Variants in ARAP2 observed in about 807,000 individuals in gnomAD.
The protein encoded by ARAP2 is ArfGAP with RhoGAP domain, ankyrin repeat and PH domain 2, also known as arf-GAP with Rho-GAP domain, ANK repeat and PH domain-containing protein 2.
A neutral mutation model predicts 194.5 loss-of-function variants in ARAP2; 148 were observed. The observed-to-expected ratio is 0.76, with a 90% CI of 0.67 to 0.87. The LOEUF is 0.87. Among genes scored for constraint, ARAP2 ranks in the 40% least tolerant of loss-of-function variants. The pLI, the probability that ARAP2 is intolerant of heterozygous loss-of-function variation, is 0.00. For synonymous variants in ARAP2, 695 were observed against 683.5 expected, an observed-to-expected ratio of 1.02 and a Z score of -0.26; for missense variants, 2,128 against 1,989.7, an observed-to-expected ratio of 1.07 and a Z score of -1.32.
intron 5 of ARAP2, among the ~76,000 whole-genome samples, chr4:36,039,388 C>T (rs1310101162): frequency 1.3e-5 from 2 of 152,114 alleles, no homozygotes; most frequent in African/African-American, 4.8e-5. Flanking sequence ...TTTCTCAGGC[C>T]CAGCCTGAAT....
intron 19 of ARAP2, among the ~76,000 whole-genome samples, chr4:36,144,130 CTATG>C (rs1206325518): frequency 6.6e-6 from 1 of 151,528 alleles, no homozygotes; most frequent in Non-Finnish European, 1.5e-5. Context: ...TAATTAAAAC[CTATG>C]TATCATTGGC....
At chr4:36,035,105 G>A (rs1242846964) in intron 5 of ARAP2, among the ~76,000 whole-genome samples, 1 of 152,082 alleles carries the variant, frequency 6.6e-6, no homozygotes, top group Admixed American at 6.6e-5. Flanking sequence ...CTCATAGAAT[G>A]AGCTGGGGAG....
chr4:36,105,792 C>A (rs1284895302), intron 27 of ARAP2, among the ~76,000 whole-genome samples: 1 of 151,958 alleles, frequency 6.6e-6, no homozygotes, highest in Non-Finnish European at 1.5e-5. Flanking sequence ...AGAACCTTCA[C>A]TTATAACATA....
intron 20 of ARAP2, 82 bp from the exon 21 acceptor site, chr4:36,128,827 T>C (rs754973556): frequency 1.8e-6 from 2 of 1,117,818 alleles, no homozygotes. Context: ...AACAAATGTT[T>C]GTGTTGAGAC....
chr4:36,015,237 T>C (rs919066143), intron 8 of ARAP2: 1 of 152,212 alleles, frequency 6.6e-6, no homozygotes, highest in African/African-American at 2.4e-5. Context: ...AATGCTTACA[T>C]AAATGATGAA....
intron 6 of ARAP2, among the ~76,000 whole-genome samples, chr4:36,197,233 C>T (rs1365820339): frequency 6.6e-6 from 1 of 152,094 alleles, no homozygotes; most frequent in Non-Finnish European, 1.5e-5. Context: ...TCACATCAAA[C>T]AGACTTTGAG....
intron 27 of ARAP2, among the ~76,000 whole-genome samples, chr4:36,102,123 A>T (rs548613792): frequency 2.2e-4 from 34 of 152,062 alleles, no homozygotes; most frequent in African/African-American, 7.2e-4. Context: ...GCCAAGGCTA[A>T]AACCACTTTC....
intron 19 of ARAP2, among the ~76,000 whole-genome samples, chr4:36,146,595 T>C (rs1394910245): frequency 6.6e-6 from 1 of 152,060 alleles, no homozygotes; most frequent in Non-Finnish European, 1.5e-5. Context: ...CTATCTGGAT[T>C]ACTGCAAAGT....
At position 36,149,830 on chromosome 4, in the gene ARAP2, T is replaced by C. The variant is rs73809138; in HGVS notation, c.2897+1070A>G. Among the ~76,000 whole-genome samples, 914 of 152,292 alleles carry C rather than the reference T, an allele frequency of 6.0e-3. 14 individuals carry two copies. Among genetic ancestry groups the C allele is most frequent in the African/African-American group, 0.02 (832 of 41,572 alleles). ...CAAGTCATCTCAACTAGTCATCATA[T>C]AATAAAGGTAATATGTTCAATGTAG... On this transcript the variant is annotated intron_variant, in intron 16 of 32. Coordinates refer to ENST00000303965, the MANE Select transcript of ARAP2 (RefSeq NM_015230.4).
intron 5 of ARAP2, among the ~76,000 whole-genome samples, chr4:36,031,305 A>G (rs1289909667): frequency 6.6e-6 from 1 of 152,204 alleles, no homozygotes; most frequent in Non-Finnish European, 1.5e-5. Flanking sequence ...GTCCTTGTAT[A>G]CAACCATTCC....
At chr4:36,179,502 T>C (rs1209524233) in intron 8 of ARAP2, among the ~76,000 whole-genome samples, 2 of 152,034 alleles carry the variant, frequency 1.3e-5, no homozygotes, top group Non-Finnish European at 2.9e-5. Context: ...AGAAGACCCA[T>C]GGAAATGAAT....
At chr4:36,086,042 G>C (rs1452553559) in intron 28 of ARAP2, among the ~76,000 whole-genome samples, 1 of 152,006 alleles carries the variant, frequency 6.6e-6, no homozygotes, top group African/African-American at 2.4e-5. Flanking sequence ...AAGGAGAAGA[G>C]AGCTATCAGG....
chr4:36,055,163 C>T (rs1203846684), intron 2 of ARAP2, among the ~76,000 whole-genome samples: 2 of 152,004 alleles, frequency 1.3e-5, no homozygotes, highest in African/African-American at 2.4e-5. Flanking sequence ...TTTTGAATCC[C>T]GAGACATAGG....
chr4:36,058,363 T>C (rs1723867969), intron 1 of ARAP2, among the ~76,000 whole-genome samples: 2 of 152,188 alleles, frequency 1.3e-5, no homozygotes, highest in South Asian at 2.1e-4. Context: ...CCAATGTTGT[T>C]TCCTGAACAA....
rs115924959 is a variant in ARAP2 at position 36,008,489 on chromosome 4, T to C, written n.1326-1443A>G. On this transcript the variant is annotated intron_variant and non_coding_transcript_variant, in intron 9 of 12. Coordinates refer to the ARAP2 transcript ENST00000503225. ...GCTCCTGGGATAGCTAGCATGTCTATATGCAGAAGTATTACACTGGATTCC... is the reference window on the plus strand; with the variant it reads ...GCTCCTGGGATAGCTAGCATGTCTACATGCAGAAGTATTACACTGGATTCC... Among the ~76,000 whole-genome samples, 501 of 152,174 alleles carry C rather than the reference T, an allele frequency of 3.3e-3. 2 individuals are homozygous for C. Among genetic ancestry groups the C allele is most frequent in the African/African-American group, 0.012 (482 of 41,526 alleles).
At chr4:36,080,647 A>G (rs1385423588) in intron 30 of ARAP2, among the ~76,000 whole-genome samples, 10 of 152,204 alleles carry the variant, frequency 6.6e-5, no homozygotes, top group Admixed American at 6.6e-4. Context: ...AAATATGTGC[A>G]CATCCTCATA....
chr4:36,197,565 C>T (rs1743392450), intron 6 of ARAP2, among the ~76,000 whole-genome samples: 1 of 152,208 alleles, frequency 6.6e-6, no homozygotes, highest in Non-Finnish European at 1.5e-5. Context: ...TCTGCTCTGG[C>T]CCACTGGGTT....
Position 36,244,228 on chromosome 4 carries a change from AAG to A in ARAP2, c.-211_-210del, listed in dbSNP as rs1754189104. On this transcript the variant is annotated 5_prime_UTR_variant, in exon 1 of 33. Coordinates refer to ENST00000303965, the MANE Select transcript of ARAP2 (RefSeq NM_015230.4). ...AAAAGCGAGGTGAGGCGGCGCTGGG[AAG>A]CTCAGCGCCGGCGTCTCTCCCAGCC... 5 of 151,644 alleles carry A rather than the reference AAG, an allele frequency of 3.3e-5. No individual in the cohort carries two copies. Among genetic ancestry groups the A allele is most frequent in the African/African-American group, 4.8e-5 (2 of 41,254 alleles). The allele number at this position is 151,644 out of a possible 1,614,324, so 9.4% of individuals were successfully genotyped here. A position where few individuals can be genotyped will look rare whatever the true frequency, so the allele number is the denominator to read the frequency against.
chr4:36,081,382 T>G (rs1244765240), intron 30 of ARAP2, among the ~76,000 whole-genome samples: 2 of 152,100 alleles, frequency 1.3e-5, no homozygotes, highest in Non-Finnish European at 2.9e-5. Flanking sequence ...AAAGGTTTAG[T>G]AGAGGGACCA....
Sources: gnomAD v4.1 joint callset for allele counts (sites outside exome capture counted in the v4.1 genomes callset) on GRCh38, gnomAD v4.1.1 for gene constraint, MANE v1.5 for transcripts, NCBI Gene and HGNC (gene_info 2026-07-23, HGNC 2026-07-21) for gene names.